Variants in LRP1B observed in about 807,000 individuals in gnomAD.
LRP1B encodes LDL receptor related protein 1B.
In LRP1B, 217 loss-of-function variants were observed where a neutral mutation model predicts 556.6. The observed-to-expected ratio is 0.39, with a 90% confidence interval of 0.35 to 0.44. The LOEUF is 0.44. Among genes scored for constraint, LRP1B ranks in the 20% least tolerant of loss-of-function variants. The probability of loss-of-function intolerance (pLI) is 1.00; values close to 1 mark genes in which losing one functional copy is unlikely to be tolerated. For synonymous variants in LRP1B, 2,047 were observed against 1,865.8 expected (o/e 1.10, Z -2.50); for missense variants, 5,053 against 5,620.8 (o/e 0.90, Z 3.23).
Position 142,121,932 on chromosome 2 carries a change from G to A in LRP1B, c.82+8716C>T, listed in dbSNP as rs912862566. Among the ~76,000 whole-genome samples the A allele has an allele frequency of 9.9e-5, 15 of 152,198 alleles. No homozygotes were observed. The East Asian group carries it at 2.9e-3, about 29-fold the overall frequency. On this transcript the variant is annotated intron_variant, in intron 1 of 90. Transcript: ENST00000389484. ...AAATTTGAATGAAAAGCGAAGGTAT[G>A]CTGAAAATGTAAAGAGCTTCTTGCT...
chr2:140,377,899 T>A (rs190513206), intron 68 of LRP1B, among the ~76,000 whole-genome samples: 1 of 152,184 alleles, frequency 6.6e-6, no homozygotes, highest in African/African-American at 2.4e-5. Flanking sequence ...GGCAGGGGCA[T>A]CAGCTATAGG....
intron 2 of LRP1B, among the ~76,000 whole-genome samples, chr2:141,717,811 C>T (rs889977669): frequency 6.6e-5 from 10 of 152,202 alleles, no homozygotes; most frequent in African/African-American, 2.4e-4. Context: ...ATTTCAAGGA[C>T]AAGATACAAT....
intron 1 of LRP1B, among the ~76,000 whole-genome samples, chr2:142,012,018 G>T (rs1702973962): frequency 6.6e-6 from 1 of 152,000 alleles, no homozygotes. Context: ...TATGATTACT[G>T]TGTTTTTCCT....
intron 43 of LRP1B, among the ~76,000 whole-genome samples, chr2:140,555,370 C>A (rs151337122): frequency 6.6e-6 from 1 of 152,106 alleles, no homozygotes; most frequent in African/African-American, 2.4e-5. Flanking sequence ...ACATTCCATA[C>A]ATTTGAAAAA....
intron 1 of LRP1B, among the ~76,000 whole-genome samples, chr2:141,913,323 C>T (rs1380830241): frequency 6.6e-6 from 1 of 152,078 alleles, no homozygotes; most frequent in Non-Finnish European, 1.5e-5. Flanking sequence ...GAGTTGCAGT[C>T]AAGCAGAAAA....
In LRP1B at chr2:140,989,529, T is replaced by C. The variant is rs1697025077; in HGVS notation, c.2770+3A>G. The C allele has an allele frequency of 6.2e-7, 1 of 1,612,784 alleles. No individual in the cohort carries two copies. Among genetic ancestry groups the C allele is most frequent in the Non-Finnish European group, 8.5e-7 (1 of 1,179,166 alleles). On this transcript the variant is annotated splice_donor_region_variant and intron_variant, in intron 17 of 90. Coordinates refer to ENST00000389484, the MANE Select transcript of LRP1B (RefSeq NM_018557.3). ...TTACGTGTATATCCAAGCAAACCTT[T>C]ACCTGTGCAAGTTTGATTGGATTCA...
rs59469282 is a variant in LRP1B, at chr2:140,872,360, A to ATTTTTTTTTTTTTTTTTT, written c.4170-4115_4170-4098dup. ...GCTTGCTTTTGTATTGTGTCACCTG[A>ATTTTTTTTTTTTTTTTTT]TTTTTTTTTTTTTTTTTTTTTTTTT... On this transcript the variant is annotated intron_variant, in intron 25 of 90. Coordinates refer to ENST00000389484, the MANE Select transcript of LRP1B (RefSeq NM_018557.3). Among the ~76,000 whole-genome samples, 23 of 60,488 alleles carry ATTTTTTTTTTTTTTTTTT rather than the reference A, an allele frequency of 3.8e-4. 2 individuals are homozygous for ATTTTTTTTTTTTTTTTTT. The highest frequency in any genetic ancestry group is 5.4e-4 in the Non-Finnish European group (18 of 33,530). 39.7% of individuals were successfully genotyped at this position (60,488 alleles called of 152,430 possible).
intron 67 of LRP1B, among the ~76,000 whole-genome samples, chr2:140,383,980 T>G (rs1683649724): frequency 6.6e-6 from 1 of 152,190 alleles, no homozygotes; most frequent in South Asian, 2.1e-4. Flanking sequence ...CCTTGCTTTC[T>G]TGTGCCAAAG....
chr2:141,751,359 G>A (rs983554662), intron 2 of LRP1B, among the ~76,000 whole-genome samples: 10 of 152,050 alleles, frequency 6.6e-5, no homozygotes, highest in Non-Finnish European at 1.3e-4. Context: ...TAAAAAGAAT[G>A]CTATGAATTC....
At chr2:141,534,591 C>T (rs897854301) in intron 2 of LRP1B, among the ~76,000 whole-genome samples, 7 of 152,072 alleles carry the variant, frequency 4.6e-5, no homozygotes, top group African/African-American at 1.7e-4. Context: ...GCTCAACACA[C>T]ACAGAACAGG....
intron 87 of LRP1B, among the ~76,000 whole-genome samples, chr2:140,241,154 A>G (rs1680930674): frequency 6.6e-6 from 1 of 150,836 alleles, no homozygotes; most frequent in African/African-American, 2.4e-5. Flanking sequence ...TTACTATATT[A>G]CCTCCTTTGT....
intron 11 of LRP1B, among the ~76,000 whole-genome samples, chr2:141,037,273 T>C (rs1574006176): frequency 6.6e-6 from 1 of 152,002 alleles, no homozygotes; most frequent in Non-Finnish European, 1.5e-5. Context: ...AAAACCCAAA[T>C]CCAGCCTATT....
chr2:141,267,946 T>A (rs538332910), intron 3 of LRP1B, among the ~76,000 whole-genome samples: 1 of 152,284 alleles, frequency 6.6e-6, no homozygotes, highest in East Asian at 1.9e-4. Flanking sequence ...AAAATTTTGA[T>A]TTTTTCATAT....
chr2:140,492,018 T>G (rs1688721915), intron 57 of LRP1B, among the ~76,000 whole-genome samples: 1 of 152,132 alleles, frequency 6.6e-6, no homozygotes, highest in African/African-American at 2.4e-5. Context: ...ATCAGGAATG[T>G]GAGTGCTGCC....
chr2:140,376,775 GA>G, intron 68 of LRP1B, among the ~76,000 whole-genome samples: 1 of 152,272 alleles, frequency 6.6e-6, no homozygotes, highest in East Asian at 1.9e-4. Flanking sequence ...AATGGTCAGA[GA>G]AGGGAGAATT....
At chr2:141,310,079 G>A (rs542176163) in intron 3 of LRP1B, among the ~76,000 whole-genome samples, 2 of 152,116 alleles carry the variant, frequency 1.3e-5, no homozygotes, top group Non-Finnish European at 2.9e-5. Context: ...AAAGAAAGGG[G>A]ATAATGGAAA....
At position 141,644,701 on chromosome 2, in the gene LRP1B, G is replaced by A. The variant is rs1240718748; in HGVS notation, c.206-164168C>T. Reference sequence around the variant, plus strand: ...TCCTTGACCAGAGTCAGTAGAATATGGTCAGTTGTCTGATAAGCAGTCATT... The same window carrying A: ...TCCTTGACCAGAGTCAGTAGAATATAGTCAGTTGTCTGATAAGCAGTCATT... On this transcript the variant is annotated intron_variant, in intron 2 of 90. Coordinates refer to ENST00000389484, the MANE Select transcript of LRP1B (RefSeq NM_018557.3). Among the ~76,000 whole-genome samples, 4 of 147,822 alleles carry A rather than the reference G, an allele frequency of 2.7e-5. No individual in the cohort carries two copies. The East Asian group carries it at 6.1e-4, about 22-fold the overall frequency.
chr2:141,245,122 A>C (rs1198316327), intron 5 of LRP1B, among the ~76,000 whole-genome samples: 1 of 152,176 alleles, frequency 6.6e-6, no homozygotes, highest in East Asian at 1.9e-4. Flanking sequence ...GAAACAGCAA[A>C]TAACAAGCCT....
chr2:141,934,563 T>C (rs975527954), intron 1 of LRP1B, among the ~76,000 whole-genome samples: 5 of 152,130 alleles, frequency 3.3e-5, no homozygotes, highest in Non-Finnish European at 7.4e-5. Context: ...TATGGTTTGG[T>C]TGTGTCCCCA....
Sources: gnomAD v4.1 joint callset for allele counts (sites outside exome capture counted in the v4.1 genomes callset) on GRCh38, gnomAD v4.1.1 for gene constraint, MANE v1.5 for transcripts, NCBI Gene and HGNC (gene_info 2026-07-23, HGNC 2026-07-21) for gene names.